ADARB2: variants seen among roughly 807,000 people sequenced by gnomAD.
ADARB2 encodes adenosine deaminase RNA specific B2 (inactive).
ADARB2 carries 25 observed loss-of-function variants against 62.2 expected under a neutral mutation model. The ratio of observed to expected loss-of-function variants is 0.40; its 90% CI spans 0.29 to 0.56. The LOEUF is 0.56. ADARB2 is among the 20% of genes least tolerant of loss of function. The pLI, the probability that ADARB2 is intolerant of heterozygous loss-of-function variation, is 0.43. For synonymous variants in ADARB2, 572 were observed against 500.8 expected (o/e 1.14, Z -1.90); for missense variants, 1,071 against 1,077.4 (o/e 0.99, Z 0.08).
At chr10:1,415,479 T>C (rs1832794049) in intron 1 of ADARB2, among the ~76,000 whole-genome samples, 1 of 150,758 alleles carries the variant, frequency 6.6e-6, no homozygotes, top group Admixed American at 6.6e-5. Flanking sequence ...GAATGGATGA[T>C]TGATACATGA....
In ADARB2 at chr10:1,179,576, A is replaced by G. The variant is rs1836637350; in HGVS notation, c.*3617T>C. On this transcript the variant is annotated 3_prime_UTR_variant, in exon 10 of 10. Coordinates refer to ENST00000381312, the MANE Select transcript of ADARB2 (RefSeq NM_018702.4). ...GCCCCGTCCTGCAAAAAGGCCAGAAACCACCAGACACTAACTTTTTGACTA... is the reference window on the plus strand; with the variant it reads ...GCCCCGTCCTGCAAAAAGGCCAGAAGCCACCAGACACTAACTTTTTGACTA... 1 of 152,226 alleles carries G rather than the reference A, an allele frequency of 6.6e-6. No homozygotes were observed. The highest frequency in any genetic ancestry group is 1.5e-5 in the Non-Finnish European group (1 of 68,042). The allele number at this position is 152,226 out of a possible 1,614,324, so 9.4% of individuals were successfully genotyped here.
Position 1,275,411 on chromosome 10 carries a change from G to A in ADARB2, c.1078-4342C>T, listed in dbSNP as rs185629830. Among the ~76,000 whole-genome samples the A allele has an allele frequency of 1.7e-3, 264 of 152,298 alleles. 1 individual carries two copies. Among genetic ancestry groups the A allele is most frequent in the African/African-American group, 6.0e-3 (248 of 41,566 alleles). ...GTGTGCACATTCAGTCCTGCAGGGC[G>A]GCTCCAGGCAGCAGCCATGGCGCCC... On this transcript the variant is annotated intron_variant, in intron 3 of 9. Coordinates refer to ENST00000381312, the MANE Select transcript of ADARB2 (RefSeq NM_018702.4).
chr10:1,669,765 AAAACACACAGACAC>A (rs1445366454), intron 1 of ADARB2, among the ~76,000 whole-genome samples: 4 of 150,796 alleles, frequency 2.7e-5, no homozygotes, highest in Non-Finnish European at 4.4e-5. Context: ...CTCATAGAGA[AAAACACACAGACAC>A]AAACACACAG....
At chr10:1,281,622 G>C (rs1831372129) in intron 3 of ADARB2, among the ~76,000 whole-genome samples, 1 of 152,232 alleles carries the variant, frequency 6.6e-6, no homozygotes, top group Admixed American at 6.5e-5. Context: ...CAGCACCGAG[G>C]GGTGCACAGA....
intron 3 of ADARB2, among the ~76,000 whole-genome samples, chr10:1,350,610 C>T (rs1329352302): frequency 6.6e-6 from 1 of 152,172 alleles, no homozygotes; most frequent in East Asian, 1.9e-4. Context: ...CGACCTCTCC[C>T]AAATCAGTTA....
chr10:1,552,915 T>C (rs1381066618), intron 1 of ADARB2, among the ~76,000 whole-genome samples: 3 of 89,160 alleles, frequency 3.4e-5, no homozygotes. Context: ...ACGGAACCCT[T>C]AATTAATTCG....
At chr10:1,191,678 A>G (rs563531406) in intron 8 of ADARB2, among the ~76,000 whole-genome samples, 56 of 152,286 alleles carry the variant, frequency 3.7e-4, no homozygotes, top group Admixed American at 3.1e-3. Context: ...CTCTGAGAAC[A>G]TTTTTTAGGG....
rs188056863 is a variant in ADARB2, at chr10:1,266,832, G to A, written c.1192+4123C>T. Among the ~76,000 whole-genome samples the A allele has an allele frequency of 3.0e-3, 464 of 152,208 alleles. 1 individual carries two copies. Among genetic ancestry groups the A allele is most frequent in the African/African-American group, 0.01 (435 of 41,540 alleles). On this transcript the variant is annotated intron_variant, in intron 4 of 9. Transcript: ENST00000381312. Reference sequence around the variant, plus strand: ...CAGCTACAGAACAAGAGGCTCCCTTGAAAAAGGAAGAATGGAGGATAAGGG... The same window carrying A: ...CAGCTACAGAACAAGAGGCTCCCTTAAAAAAGGAAGAATGGAGGATAAGGG...
intron 1 of ADARB2, among the ~76,000 whole-genome samples, chr10:1,637,780 C>T (rs148597368): frequency 2.3e-4 from 35 of 152,300 alleles, no homozygotes; most frequent in African/African-American, 7.0e-4. Flanking sequence ...AATGTGTCTG[C>T]GTGGCTCCTG....
At chr10:1,582,775 A>G (rs1157050332) in intron 1 of ADARB2, among the ~76,000 whole-genome samples, 3 of 152,154 alleles carry the variant, frequency 2.0e-5, no homozygotes, top group Non-Finnish European at 4.4e-5. Flanking sequence ...TGTCACAGGG[A>G]AGCATGGTTT....
At chr10:1,328,359 C>T (rs886156519) in intron 3 of ADARB2, among the ~76,000 whole-genome samples, 1 of 152,010 alleles carries the variant, frequency 6.6e-6, no homozygotes. Context: ...GCATTGGCCT[C>T]GAAGAAAGGC....
chr10:1,419,437 C>T (rs79485359), intron 1 of ADARB2, among the ~76,000 whole-genome samples: 1 of 152,284 alleles, frequency 6.6e-6, no homozygotes, highest in African/African-American at 2.4e-5. Context: ...TACTATCAAA[C>T]ACTTTAAAAA....
chr10:1,612,252 G>C (rs539599847), intron 1 of ADARB2, among the ~76,000 whole-genome samples: 1 of 152,204 alleles, frequency 6.6e-6, no homozygotes, highest in African/African-American at 2.4e-5. Flanking sequence ...CACCAAGCAC[G>C]AATCTGCCCT....
intron 1 of ADARB2, among the ~76,000 whole-genome samples, chr10:1,572,383 T>C (rs1285676340): frequency 6.6e-6 from 1 of 152,152 alleles, no homozygotes; most frequent in Non-Finnish European, 1.5e-5. Context: ...CAGGCAGCTA[T>C]GCTGTGACGC....
intron 1 of ADARB2, among the ~76,000 whole-genome samples, chr10:1,707,939 A>G (rs1171012646): frequency 6.6e-6 from 1 of 152,124 alleles, no homozygotes; most frequent in Non-Finnish European, 1.5e-5. Flanking sequence ...TCTGGCCTCC[A>G]TTTTTTCTCA....
At position 1,572,876 on chromosome 10, in the gene ADARB2, C is replaced by T. The variant is rs553605413; in HGVS notation, c.100+164175G>A. Among the ~76,000 whole-genome samples, 9 of 152,316 alleles carry T rather than the reference C, an allele frequency of 5.9e-5. No homozygotes were observed. In the East Asian group the frequency reaches 1.4e-3, roughly 23 times the overall value. On this transcript the variant is annotated intron_variant, in intron 1 of 9. Transcript: ENST00000381312. ...TGCTCCTAGTGCTCTTCTGCACCCACGTACAGCGTTTCCCTGCTTGGCTCA... is the reference window on the plus strand; with the variant it reads ...TGCTCCTAGTGCTCTTCTGCACCCATGTACAGCGTTTCCCTGCTTGGCTCA...
At chr10:1,675,253 G>A (rs1420955022) in intron 1 of ADARB2, 2 of 972,844 alleles carry the variant, frequency 2.1e-6, no homozygotes. Flanking sequence ...GTTCAGGGAT[G>A]CATGGATGTT....
intron 1 of ADARB2, among the ~76,000 whole-genome samples, chr10:1,471,374 T>A (rs1247625887): frequency 6.6e-6 from 1 of 152,048 alleles, no homozygotes; most frequent in Non-Finnish European, 1.5e-5. Context: ...GGAGTAAAAC[T>A]AAGAGCAGAC....
rs1554767652 is a variant in ADARB2 at position 1,510,125 on chromosome 10, T to TTTCTTTC, written c.101-130972_101-130966dup. ...CTTTCTTTCTCTCTTTCTTTCTTTC[T>TTTCTTTC]TTCTTTCTTTCTTTCTTTCTTTCTT... On this transcript the variant is annotated intron_variant, in intron 1 of 9. Coordinates refer to ENST00000381312, the MANE Select transcript of ADARB2 (RefSeq NM_018702.4). Among the ~76,000 whole-genome samples, 698 of 130,034 alleles carry TTTCTTTC rather than the reference T, an allele frequency of 5.4e-3. 6 individuals are homozygous for TTTCTTTC. The highest frequency in any genetic ancestry group is 0.02 in the African/African-American group (648 of 31,886). 85.3% of individuals were successfully genotyped at this position (130,034 alleles called of 152,430 possible).
Sources: gnomAD v4.1 joint callset for allele counts (sites outside exome capture counted in the v4.1 genomes callset) on GRCh38, gnomAD v4.1.1 for gene constraint, MANE v1.5 for transcripts, NCBI Gene and HGNC (gene_info 2026-07-23, HGNC 2026-07-21) for gene names.